EML3: variants seen among roughly 807,000 people sequenced by gnomAD.
The protein encoded by EML3 is EMAP like 3.
A neutral mutation model predicts 106.7 loss-of-function variants in EML3; 53 were observed. The ratio of observed to expected loss-of-function variants is 0.50; its 90% CI spans 0.40 to 0.62. The LOEUF (loss-of-function observed/expected upper bound fraction) is 0.62, where lower values mean the gene tolerates loss of function less well. Among genes scored for constraint, EML3 ranks in the 20% least tolerant of loss-of-function variants. The pLI, the probability that EML3 is intolerant of heterozygous loss-of-function variation, is 0.00. For synonymous variants in EML3, 499 were observed against 489.6 expected, an observed-to-expected ratio of 1.02 and a Z score of -0.25; for missense variants, 994 against 1,209.1, an observed-to-expected ratio of 0.82 and a Z score of 2.64.
At position 62,602,245 on chromosome 11, in the gene EML3, T is replaced by G; in HGVS notation, c.*230A>C. 6.5e-7 allele frequency: 1 copy of G among 1,543,946 alleles called. No homozygotes were observed. Among genetic ancestry groups the G allele is most frequent in the South Asian group, 1.2e-5 (1 of 83,556 alleles). On this transcript the variant is annotated 3_prime_UTR_variant, in exon 22 of 22. Coordinates refer to ENST00000394773, the MANE Select transcript of EML3 (RefSeq NM_153265.3). ...GACTTTGGTTCTGGTTTATTGCCCCTCAGCAGGCAGCGGGAGTCAAGGCCT... is the reference window on the plus strand; with the variant it reads ...GACTTTGGTTCTGGTTTATTGCCCCGCAGCAGGCAGCGGGAGTCAAGGCCT...
intron 9 of EML3, 71 bp downstream of exon 9, chr11:62,608,471 C>A: frequency 6.6e-7 from 1 of 1,513,946 alleles, no homozygotes; most frequent in Non-Finnish European, 9.2e-7. Context: ...ACTTCCAAGG[C>A]TTCCTGGTGA....
chr11:62,603,975 C>A lies in EML3; in HGVS notation c.2138G>T (p.Gly713Val). The A allele has an allele frequency of 6.2e-7, 1 of 1,614,094 alleles. No homozygotes were observed. The highest frequency in any genetic ancestry group is 8.5e-7 in the Non-Finnish European group (1 of 1,180,030). Reference sequence around the variant, plus strand: ...GCGGCCAAAGCGGCTGGATTTGGCACCATCACTGGAAACACTATAGATGTA... The same window carrying A: ...GCGGCCAAAGCGGCTGGATTTGGCAACATCACTGGAAACACTATAGATGTA... The part of the protein sequence containing the change: ...VIYIYSVSSD[G>V]AKSSRFGRCM... Residue 713 changes from glycine (G) to valine (V), a missense_variant, in exon 18 of 22, where the codon GGT (glycine) becomes GTT (valine). Transcript: ENST00000394773.
At chr11:62,607,870 A>G in intron 10 of EML3, 49 bp from the exon 11 acceptor site, 1 of 1,587,528 alleles carries the variant, frequency 6.3e-7, no homozygotes. Flanking sequence ...GGGTACCTTC[A>G]TTCTACTTGA....
intron 1 of EML3, chr11:62,611,952 G>A: frequency 2.7e-6 from 1 of 366,004 alleles, no homozygotes; most frequent in Non-Finnish European, 5.0e-6. Context: ...CTCCCCACGC[G>A]CCCCCAGCAA....
At position 62,611,130 on chromosome 11, in the gene EML3, G is replaced by C. The variant is rs764575354; in HGVS notation, c.409C>G (p.Pro137Ala). 1.3e-6 allele frequency: 2 copies of C among 1,598,122 alleles called. No individual in the cohort carries two copies. Among genetic ancestry groups the C allele is most frequent in the South Asian group, 2.2e-5 (2 of 90,352 alleles). The change falls in exon 3 of 22, where the codon CCG (proline) becomes GCG (alanine). Residue 137 changes from proline (P) to alanine (A), a missense_variant. Physicochemically the swap from Pro to Ala is conservative, Grantham distance 27. This residue lies in a region of EML3 where 269 missense variants were observed against 265.1 expected (regional missense o/e 1.01). Transcript: ENST00000394773. Reference sequence around the variant, plus strand: ...GGCTGCAAGGGCCTGAGGATCCCCGGGGGGCCAGGGGAGCCAGCACCACTG... The same window carrying C: ...GGCTGCAAGGGCCTGAGGATCCCCGCGGGGCCAGGGGAGCCAGCACCACTG... Reference protein sequence around the residue: ...SSSGAGSPGPPGILRPLQPPQ... With the variant: ...SSSGAGSPGPAGILRPLQPPQ...
chr11:62,606,937 A>G, intron 12 of EML3, 21 bp downstream of exon 12: 1 of 1,609,824 alleles, frequency 6.2e-7, no homozygotes. Context: ...CACTTCCCAG[A>G]TGCCCCTCCC....
At chr11:62,602,954 C>A in intron 20 of EML3, 65 bp from the exon 21 acceptor site, 2 of 1,476,834 alleles carry the variant, frequency 1.4e-6, no homozygotes, top group East Asian at 4.9e-5. Context: ...AGAGCTACAC[C>A]ATTTCAGGCG....
At chr11:62,608,016 T>C (rs1942620660) in intron 10 of EML3, 185 bp downstream of exon 10, 5 of 787,690 alleles carry the variant, frequency 6.3e-6, no homozygotes, top group South Asian at 3.4e-5. Context: ...ACCTAACACA[T>C]TATGCCTCAT....
At chr11:62,610,147 G>T (rs990300451) in intron 4 of EML3, among the ~76,000 whole-genome samples, 8 of 152,176 alleles carry the variant, frequency 5.3e-5, no homozygotes, top group Non-Finnish European at 1.0e-4. Context: ...TTCCCCATCC[G>T]TAAAATGGGA....
At chr11:62,609,184 G>A in intron 6 of EML3, 52 bp from the exon 7 acceptor site, 1 of 1,606,408 alleles carries the variant, frequency 6.2e-7, no homozygotes, top group Non-Finnish European at 8.5e-7. Flanking sequence ...GCAGGAGGAG[G>A]AAGAGGGGAG....
chr11:62,602,731 C>G, intron 21 of EML3, 28 bp downstream of exon 21: 3 of 1,607,632 alleles, frequency 1.9e-6, no homozygotes, highest in Non-Finnish European at 2.5e-6. Context: ...GCCCACCGGT[C>G]CCACCCCGGC....
At position 62,611,323 on chromosome 11, in the gene EML3, C is replaced by T. The variant is rs776561306; in HGVS notation, c.216G>A (p.Leu72=). The T allele has an allele frequency of 1.9e-6, 3 of 1,612,770 alleles. No individual in the cohort carries two copies. The African/African-American group carries it at 4.0e-5, about 22-fold the overall frequency. ...PGDSLAAPPG[L]PPTCTPSLVS... ...CCAAGGAAGGGGTGCACGTGGGTGG[C>T]AGTCCTGGGGGGGCTGCAAGACTGC... is the stretch of plus-strand genomic sequence containing the variant. The change falls in exon 3 of 22, where the codon CTG becomes CTA. Residue 72 remains leucine (L), a synonymous_variant. Transcript: ENST00000394773.
rs1942373349 is a variant in EML3, at chr11:62,603,836, G to A, written c.2170-20C>T. 1 of 1,613,560 alleles carries A rather than the reference G, an allele frequency of 6.2e-7. No individual in the cohort carries two copies. The highest frequency in any genetic ancestry group is 1.3e-5 in the African/African-American group (1 of 74,886). ...GTGACCCTGGGAGCAAAGGTCAAGA[G>A]TTTTAAAGTATCCCATCCATTTCCC... is the stretch of plus-strand genomic sequence containing the variant. On this transcript the variant is annotated intron_variant, in intron 18 of 21. Transcript: ENST00000394773.
In EML3 at chr11:62,606,043, G is replaced by C. The variant is rs1565057395; in HGVS notation, c.1656+20C>G. ...TATTGCTCTTCTCCCTCACTCCCTT[G>C]ACCCCAGCCCAGCCCTCACCTCAGC... is the stretch of plus-strand genomic sequence containing the variant. On this transcript the variant is annotated intron_variant, in intron 13 of 21. Coordinates refer to ENST00000394773, the MANE Select transcript of EML3 (RefSeq NM_153265.3). 2 of 1,613,530 alleles carry C rather than the reference G, an allele frequency of 1.2e-6. No homozygotes were observed. Among genetic ancestry groups the C allele is most frequent in the East Asian group, 4.5e-5 (2 of 44,880 alleles).
Position 62,605,198 on chromosome 11 carries a change from G to A in EML3, c.1915-18C>T. On this transcript the variant is annotated intron_variant, in intron 15 of 21. Transcript: ENST00000394773. This position sits in a 1 kb window ranked among gnomAD's most constrained non-coding sequence, Gnocchi z 5.2. ...CCAGTCTCCTGGGAGAGGGGAGAAG[G>A]TGAATTCAAGATGATGTCTTTCTAG... 4 of 1,609,712 alleles carry A rather than the reference G, an allele frequency of 2.5e-6. No individual in the cohort carries two copies. Among genetic ancestry groups the A allele is most frequent in the Non-Finnish European group, 3.4e-6 (4 of 1,177,870 alleles).
Position 62,612,466 on chromosome 11 carries a change from C to G in EML3, c.-9G>C, listed in dbSNP as rs1179591691. 2.1e-6 allele frequency: 3 copies of G among 1,432,728 alleles called. No individual in the cohort carries two copies. Among genetic ancestry groups the G allele is most frequent in the Non-Finnish European group, 1.8e-6 (2 of 1,099,930 alleles). The allele number at this position is 1,432,728 out of a possible 1,614,324, so 88.8% of individuals were successfully genotyped here. A position where few individuals can be genotyped will look rare whatever the true frequency, so the allele number is the denominator to read the frequency against. On this transcript the variant is annotated 5_prime_UTR_variant, in exon 1 of 22. Coordinates refer to ENST00000394773, the MANE Select transcript of EML3 (RefSeq NM_153265.3). ...CCCGCGGCCCCGTCCATCCGGCCCCCGGGTTGCTCCGAGCGGCGGCGGCGG... is the reference window on the plus strand; with the variant it reads ...CCCGCGGCCCCGTCCATCCGGCCCCGGGGTTGCTCCGAGCGGCGGCGGCGG...
intron 4 of EML3, 117 bp from the exon 5 acceptor site, chr11:62,609,813 T>C: frequency 1.1e-6 from 1 of 879,184 alleles, no homozygotes; most frequent in Non-Finnish European, 1.7e-6. Flanking sequence ...TGCAAGCCTG[T>C]AGTTTGCTTC....
intron 12 of EML3, chr11:62,606,512 A>C: frequency 2.1e-6 from 1 of 480,782 alleles, no homozygotes; most frequent in Non-Finnish European, 3.8e-6. Flanking sequence ...TGTGCTGCCC[A>C]CACGCTTCTA....
At chr11:62,609,531 A>G in intron 5 of EML3, 54 bp from the exon 6 acceptor site, 1 of 1,549,660 alleles carries the variant, frequency 6.5e-7, no homozygotes, top group Non-Finnish European at 8.7e-7. Context: ...GACAGAGCAG[A>G]ACCCTACCCA....
Sources: gnomAD v4.1 joint callset for allele counts (sites outside exome capture counted in the v4.1 genomes callset) on GRCh38, gnomAD v4.1.1 for gene constraint, gnomAD v4.1.1 regional missense constraint, Gnocchi (gnomAD v3.1) non-coding constraint, MANE v1.5 for transcripts, NCBI Gene and HGNC (gene_info 2026-07-23, HGNC 2026-07-21) for gene names.